COMP: variants seen among roughly 807,000 people sequenced by gnomAD.
The protein encoded by COMP is cartilage oligomeric matrix protein.
In COMP, 79 loss-of-function variants were observed where a neutral mutation model predicts 95.8. That is an observed-to-expected ratio of 0.82 (90% CI 0.69 to 0.99). The LOEUF is 0.99. Ranked by LOEUF, COMP falls within the 50% of genes least tolerant of loss-of-function variation. The pLI is 0.00. For synonymous variants in COMP, 438 were observed against 433.9 expected, an observed-to-expected ratio of 1.01 and a Z score of -0.12; for missense variants, 906 against 1,076.1, an observed-to-expected ratio of 0.84 and a Z score of 2.21.
rs1044098612 is a variant in COMP at position 18,791,181 on chromosome 19, C to T, written c.79+10G>A. 6 of 1,575,998 alleles carry T rather than the reference C, an allele frequency of 3.8e-6. No individual in the cohort carries two copies. Among genetic ancestry groups the T allele is most frequent in the Non-Finnish European group, 5.2e-6 (6 of 1,162,272 alleles). ...GCCGTGGGCACGGCGCGGGTGCTAA[C>T]GCGGCTTACCCAACGGGCTCTGGCC... On this transcript the variant is annotated intron_variant, in intron 1 of 18. Coordinates refer to ENST00000222271, the MANE Select transcript of COMP (RefSeq NM_000095.3).
chr19:18,790,662 T>C, intron 2 of COMP, 49 bp from the exon 3 acceptor site: 1 of 1,613,526 alleles, frequency 6.2e-7, no homozygotes, highest in Non-Finnish European at 8.5e-7. Flanking sequence ...TCCTCATCCC[T>C]CGGGTCTCCC....
chr19:18,782,887 G>C lies in COMP; in HGVS notation c.*28C>G, dbSNP rs749339585. On this transcript the variant is annotated 3_prime_UTR_variant, in exon 19 of 19. Coordinates refer to ENST00000222271, the MANE Select transcript of COMP (RefSeq NM_000095.3). ...CCATCCAGCCGCGGTGAGGGTGGCT[G>C]TCATCCGGCGGGTCCTCACCCTGGT... 6.2e-7 allele frequency: 1 copy of C among 1,609,024 alleles called. No homozygotes were observed. The highest frequency in any genetic ancestry group is 8.5e-7 in the Non-Finnish European group (1 of 1,179,730).
At position 18,789,459 on chromosome 19, in the gene COMP, G is replaced by C. The variant is rs2055194350; in HGVS notation, c.391-162C>G. ...CAGGGGTCAGGCACGACTTTGCCTT[G>C]ATGACGGCAAGGGCGCAACCGGGAG... On this transcript the variant is annotated intron_variant, in intron 4 of 18. Transcript: ENST00000222271. The surrounding 1 kb of genome is among the most constrained non-coding windows in gnomAD (Gnocchi z 6.1). Among the ~76,000 whole-genome samples the C allele has an allele frequency of 6.6e-6, 1 of 152,132 alleles. No homozygotes were observed. The highest frequency in any genetic ancestry group is 1.5e-5 in the Non-Finnish European group (1 of 68,024).
chr19:18,789,855 A>G lies in COMP; in HGVS notation c.390+87T>C, dbSNP rs2055198301. ...GAGGCTCTTCGGGGCGAACACTCCC[A>G]GTGGAGGAAGGGGTCTCCCGGGCGG... On this transcript the variant is annotated intron_variant, in intron 4 of 18. Coordinates refer to ENST00000222271, the MANE Select transcript of COMP (RefSeq NM_000095.3). The surrounding 1 kb of genome is among the most constrained non-coding windows in gnomAD (Gnocchi z 6.1). 6.7e-7 allele frequency: 1 copy of G among 1,482,604 alleles called. No homozygotes were observed. The highest frequency in any genetic ancestry group is 1.9e-5 in the Admixed American group (1 of 53,380). The allele number at this position is 1,482,604 out of a possible 1,614,324, so 91.8% of individuals were successfully genotyped here.
rs1214368070 is a variant in COMP, at chr19:18,788,790, C to A, written c.604-40G>T. ...CCGGAGGTCAGCGCAGGCCGCCCGCCGCTCGCCCCACCTCCCGCGATCCTT... is the reference window on the plus strand; with the variant it reads ...CCGGAGGTCAGCGCAGGCCGCCCGCAGCTCGCCCCACCTCCCGCGATCCTT... On this transcript the variant is annotated intron_variant, in intron 6 of 18. Transcript: ENST00000222271. The surrounding 1 kb of genome is among the most constrained non-coding windows in gnomAD (Gnocchi z 4.7). 6.2e-7 allele frequency: 1 copy of A among 1,607,892 alleles called. No homozygotes were observed. Among genetic ancestry groups the A allele is most frequent in the Non-Finnish European group, 8.5e-7 (1 of 1,177,632 alleles).
At chr19:18,786,751 A>G (rs1344143209) in intron 10 of COMP, 101 bp from the exon 11 acceptor site, 3 of 548,210 alleles carry the variant, frequency 5.5e-6, no homozygotes, top group Admixed American at 6.7e-5. Flanking sequence ...CAGAGTCCCA[A>G]CTTCATGGAA....
chr19:18,787,947 AG>A (rs2055181856), intron 9 of COMP, among the ~76,000 whole-genome samples: 1 of 137,900 alleles, frequency 7.3e-6, no homozygotes, highest in African/African-American at 2.8e-5. Flanking sequence ...CTCTGTCGCT[AG>A]GCTGGAGTGC....
Position 18,783,079 on chromosome 19 carries a change from C to A in COMP, c.2202G>T (p.Trp734Cys). 1 of 1,612,306 alleles carries A rather than the reference C, an allele frequency of 6.2e-7. No individual in the cohort carries two copies. Among genetic ancestry groups the A allele is most frequent in the South Asian group, 1.1e-5 (1 of 91,088 alleles). The change falls in exon 18 of 19, where the codon TGG becomes TGT. Residue 734 changes from tryptophan to cysteine, a missense_variant. Physicochemically the swap from Trp to Cys is radical, Grantham distance 215 (BLOSUM62 -2). Coordinates refer to ENST00000222271, the MANE Select transcript of COMP (RefSeq NM_000095.3). ...VFCFSQENII[W>C]ANLRYRCNDT... ...CATTGCAGCGGTAACGCAGGTTGGCCCAGATGATGTTCTCCTGGGAGAAGC... is the reference window on the plus strand; with the variant it reads ...CATTGCAGCGGTAACGCAGGTTGGCACAGATGATGTTCTCCTGGGAGAAGC...
At position 18,789,348 on chromosome 19, in the gene COMP, G is replaced by C. The variant is rs778119195; in HGVS notation, c.391-51C>G. The C allele has an allele frequency of 1.4e-6, 2 of 1,427,554 alleles. No individual in the cohort carries two copies. Among genetic ancestry groups the C allele is most frequent in the Non-Finnish European group, 1.8e-6 (2 of 1,087,636 alleles). 88.4% of individuals were successfully genotyped at this position (1,427,554 alleles called of 1,614,324 possible). A position where few individuals can be genotyped will look rare whatever the true frequency, so the allele number is the denominator to read the frequency against. Reference sequence around the variant, plus strand: ...TCAGAGGGCTTCGAGCTGGGCCCTGGGGGCCGCACCTCGTAGTGTCTCGGA... The same window carrying C: ...TCAGAGGGCTTCGAGCTGGGCCCTGCGGGCCGCACCTCGTAGTGTCTCGGA... On this transcript the variant is annotated intron_variant, in intron 4 of 18. Coordinates refer to ENST00000222271, the MANE Select transcript of COMP (RefSeq NM_000095.3). This position sits in a 1 kb window ranked among gnomAD's most constrained non-coding sequence, Gnocchi z 6.1.
In COMP at chr19:18,788,994, C is replaced by T; in HGVS notation, c.529-81G>A. ...ACCTCCTCCACACTTCCTCCGCATC[C>T]TGCCTCTCCCCTCCATCCTGCCCCA... On this transcript the variant is annotated intron_variant, in intron 5 of 18. Transcript: ENST00000222271. This position sits in a 1 kb window ranked among gnomAD's most constrained non-coding sequence, Gnocchi z 4.7. 1.3e-6 allele frequency: 2 copies of T among 1,560,272 alleles called. No individual in the cohort carries two copies. Among genetic ancestry groups the T allele is most frequent in the Non-Finnish European group, 1.7e-6 (2 of 1,144,420 alleles).
rs753120962 is a variant in COMP, at chr19:18,785,007, A to G, written c.1803T>C (p.Phe601=). 51 of 1,614,012 alleles carry G rather than the reference A, an allele frequency of 3.2e-5. No individual in the cohort carries two copies. The highest frequency in any genetic ancestry group is 4.0e-5 in the Non-Finnish European group (47 of 1,180,010). The change falls in exon 16 of 19, where the codon TTT becomes TTC. Residue 601 remains phenylalanine (F), a synonymous_variant. Coordinates refer to ENST00000222271, the MANE Select transcript of COMP (RefSeq NM_000095.3). ...VTDDDYAGFI[F]GYQDSSSFYV... is the part of the protein sequence containing the mutation. Reference sequence around the variant, plus strand: ...AGAAGCTGGAGCTGTCCTGGTAGCCAAAGATGAAGCCCGCATAGTCGTCAT... The same window carrying G: ...AGAAGCTGGAGCTGTCCTGGTAGCCGAAGATGAAGCCCGCATAGTCGTCAT...
chr19:18,786,407 G>C, intron 11 of COMP, 116 bp from the exon 12 acceptor site: 1 of 1,553,462 alleles, frequency 6.4e-7, no homozygotes, highest in Non-Finnish European at 8.9e-7. Flanking sequence ...CCCACCGCAG[G>C]CTGCTCGGAC....
Position 18,784,094 on chromosome 19 carries a change from A to G in COMP, c.2087+97T>C, listed in dbSNP as rs1005322757. ...CTGTATCTTTCCTATCGTACAGATG[A>G]GGGGACCAGGGTCACACAGCCCCTG... On this transcript the variant is annotated intron_variant, in intron 17 of 18. Coordinates refer to ENST00000222271, the MANE Select transcript of COMP (RefSeq NM_000095.3). This position sits in a 1 kb window ranked among gnomAD's most constrained non-coding sequence, Gnocchi z 4.9. 1.3e-5 allele frequency: 18 copies of G among 1,355,826 alleles called. No homozygotes were observed. The African/African-American group carries it at 2.4e-4, about 18-fold the overall frequency. The allele number at this position is 1,355,826 out of a possible 1,614,324, so 84.0% of individuals were successfully genotyped here.
intron 1 of COMP, 115 bp downstream of exon 1, chr19:18,791,076 G>A (rs576327392): frequency 1.8e-5 from 27 of 1,498,292 alleles, no homozygotes; most frequent in South Asian, 7.2e-5. Flanking sequence ...TCTGCGCCCG[G>A]CACGTCCCCT....
chr19:18,789,827 T>G lies in COMP; in HGVS notation c.390+115A>C. 1 of 1,306,000 alleles carries G rather than the reference T, an allele frequency of 7.7e-7. No individual in the cohort carries two copies. The highest frequency in any genetic ancestry group is 1.1e-6 in the Non-Finnish European group (1 of 937,786). The allele number at this position is 1,306,000 out of a possible 1,614,324, so 80.9% of individuals were successfully genotyped here. A position where few individuals can be genotyped will look rare whatever the true frequency, so the allele number is the denominator to read the frequency against. ...TAGTCTGGCCGTGCGCCCCCGGAGG[T>G]GAGAGGCTCTTCGGGGCGAACACTC... On this transcript the variant is annotated intron_variant, in intron 4 of 18. Coordinates refer to ENST00000222271, the MANE Select transcript of COMP (RefSeq NM_000095.3). This position sits in a 1 kb window ranked among gnomAD's most constrained non-coding sequence, Gnocchi z 6.1.
chr19:18,783,446 C>T (rs562885648), intron 17 of COMP, among the ~76,000 whole-genome samples: 155 of 152,264 alleles, frequency 1.0e-3, no homozygotes, highest in African/African-American at 3.6e-3. Context: ...GGTGAGGCCC[C>T]ATTTCTAGCT....
chr19:18,787,852 C>CT (rs1434109041), intron 9 of COMP, among the ~76,000 whole-genome samples: 6 of 65,562 alleles, frequency 9.2e-5, no homozygotes, highest in African/African-American at 3.9e-4. Context: ...TTTCTTTTTT[C>CT]TTTTTCTTTT....
intron 12 of COMP, 39 bp from the exon 13 acceptor site, chr19:18,786,185 C>G (rs1339157697): frequency 1.2e-6 from 2 of 1,614,122 alleles, no homozygotes; most frequent in Non-Finnish European, 8.5e-7. Context: ...AATGAGCTCT[C>G]CAGAGCGTTT....
In COMP at chr19:18,784,242, T is replaced by C. The variant is rs751200102; in HGVS notation, c.2036A>G (p.Lys679Arg). The change falls in exon 17 of 19, where the codon AAG becomes AGG. Residue 679 changes from lysine to arginine, a missense_variant. By Grantham distance (26) the Lys-to-Arg change is conservative (BLOSUM62 2). Coordinates refer to ENST00000222271, the MANE Select transcript of COMP (RefSeq NM_000095.3). This position sits in a 1 kb window ranked among gnomAD's most constrained non-coding sequence, Gnocchi z 4.9. ...CTGCAGGAACCAACGATAGGACTTC[T>C]TGTCCTTCCAACCCACGTTTCGCGG... ...KDPRNVGWKDKKSYRWFLQHR... is the reference protein window; with the variant it reads ...KDPRNVGWKDRKSYRWFLQHR... 3 of 1,614,080 alleles carry C rather than the reference T, an allele frequency of 1.9e-6. No homozygotes were observed. Among genetic ancestry groups the C allele is most frequent in the Non-Finnish European group, 2.5e-6 (3 of 1,180,024 alleles).
Sources: allele counts gnomAD v4.1 joint callset (sites outside exome capture counted in the v4.1 genomes callset), GRCh38; gene constraint gnomAD v4.1.1; non-coding constraint Gnocchi (gnomAD v3.1); transcripts MANE v1.5; gene names NCBI Gene and HGNC (gene_info 2026-07-23, HGNC 2026-07-21).